The following STAG3 variants were observed in gnomAD, a reference collection of about 807,000 sequenced individuals.
STAG3 encodes the protein STAG3 cohesin complex component.
A neutral mutation model predicts 160.7 loss-of-function variants in STAG3; 101 were observed. The ratio of observed to expected loss-of-function variants is 0.63; its 90% CI spans 0.54 to 0.74. The LOEUF (loss-of-function observed/expected upper bound fraction) is 0.74, where lower values mean the gene tolerates loss of function less well. STAG3 is among the 30% of genes least tolerant of loss of function. STAG3 has a pLI of 0.00. For synonymous variants in STAG3, 519 were observed against 585.0 expected (o/e 0.89, Z 1.63); for missense variants, 1,188 against 1,517.4 (o/e 0.78, Z 3.61).
intron 30 of STAG3, 71 bp from the exon 31 acceptor site, chr7:100,211,364 A>C: frequency 6.4e-7 from 1 of 1,552,408 alleles, no homozygotes; most frequent in South Asian, 1.1e-5. Context: ...TCTCCCCATT[A>C]ACACCAGCTG....
chr7:100,189,852 CATTGTT>C (rs1284074749), intron 8 of STAG3, among the ~76,000 whole-genome samples: 1 of 150,046 alleles, frequency 6.7e-6, no homozygotes, highest in Non-Finnish European at 1.5e-5. Context: ...TGTCAGCACT[CATTGTT>C]AGGAGTGTTT....
In STAG3 at chr7:100,188,843, G is replaced by T. The variant is rs767284902; in HGVS notation, c.542G>T (p.Gly181Val). 3 of 1,614,096 alleles carry T rather than the reference G, an allele frequency of 1.9e-6. No homozygotes were observed. The highest frequency in any genetic ancestry group is 1.6e-4 in the Middle Eastern group (1 of 6,062). ...DSGDYPLIAP[G>V]PSWKKFQGSF... Reference sequence around the variant, plus strand: ...GGGGACTACCCTCTCATAGCTCCAGGTCCATCCTGGAAGAAGTTCCAGGGC... The same window carrying T: ...GGGGACTACCCTCTCATAGCTCCAGTTCCATCCTGGAAGAAGTTCCAGGGC... Residue 181 changes from glycine to valine, a missense_variant, in exon 7 of 34, where the codon GGT (glycine) becomes GTT (valine). By Grantham distance (109) the Gly-to-Val change is moderately radical (BLOSUM62 -3). Coordinates refer to ENST00000615138, the MANE Select transcript of STAG3 (RefSeq NM_001282717.2).
In STAG3 at chr7:100,180,536, C is replaced by T. The variant is rs1303590089; in HGVS notation, c.-21C>T. 6.7e-7 allele frequency: 1 copy of T among 1,482,340 alleles called. No individual in the cohort carries two copies. The highest frequency in any genetic ancestry group is 1.7e-5 in the Admixed American group (1 of 59,862). The allele number at this position is 1,482,340 out of a possible 1,614,324, so 91.8% of individuals were successfully genotyped here. The stretch of plus-strand genomic sequence containing the variant: ...CCTGTGGTCCTCATCTTCCTGGCCT[C>T]ATAGCTCCTCCTCTCCAAGCATGTC... On this transcript the variant is annotated 5_prime_UTR_variant, in exon 2 of 34. Coordinates refer to ENST00000615138, the MANE Select transcript of STAG3 (RefSeq NM_001282717.2).
Position 100,204,088 on chromosome 7 carries a change from A to G in STAG3, c.2768A>G (p.His923Arg), listed in dbSNP as rs776218918. The change falls in exon 26 of 34, where the codon CAT becomes CGT. Residue 923 changes from histidine (H) to arginine (R), a missense_variant. His to Arg is a conservative substitution (Grantham distance 29). Transcript: ENST00000615138. Reference protein sequence around the residue: ...LTRARQIDRSHCSRILLLSLK... With the variant: ...LTRARQIDRSRCSRILLLSLK... ...AGAGCAAGGCAGATTGACCGAAGTC[A>G]TTGTTCCCGAATCCTGCTGCTGAGC... is the stretch of plus-strand genomic sequence containing the variant. The G allele has an allele frequency of 2.4e-5, 38 of 1,614,042 alleles. No homozygotes were observed. In the Admixed American group the frequency reaches 3.2e-4, roughly 13 times the overall value.
chr7:100,181,944 CAAT>C (rs1799672278), intron 2 of STAG3, 143 bp from the exon 3 acceptor site: 1 of 374,444 alleles, frequency 2.7e-6, no homozygotes, highest in South Asian at 4.0e-5. Context: ...TTCCTACTAA[CAAT>C]AAGCTCATTT....
rs903546350 is a variant in STAG3, at chr7:100,181,932, A to G, written c.117-158A>G. Among the ~76,000 whole-genome samples, 56 of 151,394 alleles carry G rather than the reference A, an allele frequency of 3.7e-4. 1 individual carries two copies. Among genetic ancestry groups the G allele is most frequent in the Non-Finnish European group, 7.4e-5 (5 of 67,814 alleles). ...AAAAAAAAAAAAAGACTTTGTCCCA[A>G]CTTCCTACTAACAATAAGCTCATTT... is the stretch of plus-strand genomic sequence containing the variant. On this transcript the variant is annotated intron_variant, in intron 2 of 33. Transcript: ENST00000615138.
chr7:100,208,718 C>T (rs1429228584), intron 29 of STAG3, among the ~76,000 whole-genome samples: 2 of 152,064 alleles, frequency 1.3e-5, no homozygotes, highest in Admixed American at 6.6e-5. Context: ...TACTGAGCAC[C>T]GTGTGCTGGG....
rs990599928 is a variant in STAG3, at chr7:100,182,744, G to C, written c.241G>C (p.Gly81Arg). ...TTPVAKHPKK[G>R]SRVVHRHSRK... ...TTAGGTGGCAAAACATCCAAAGAAA[G>C]GGTCCCGAGTGGTACATCGTCATAG... Residue 81 changes from glycine (G) to arginine (R), a missense_variant, in exon 4 of 34, where the codon GGG becomes CGG. Coordinates refer to ENST00000615138, the MANE Select transcript of STAG3 (RefSeq NM_001282717.2). 1.9e-6 allele frequency: 3 copies of C among 1,613,460 alleles called. No individual in the cohort carries two copies. Among genetic ancestry groups the C allele is most frequent in the Non-Finnish European group, 2.5e-6 (3 of 1,179,860 alleles).
chr7:100,217,683 A>C (rs1022408055), downstream of STAG3, among the ~76,000 whole-genome samples: 1 of 152,164 alleles, frequency 6.6e-6, no homozygotes, highest in African/African-American at 2.4e-5. Context: ...CTATCGATAG[A>C]TAAGGTCACA....
chr7:100,204,928 C>A (rs1451671666), intron 27 of STAG3, 77 bp from the exon 28 acceptor site: 8 of 1,578,508 alleles, frequency 5.1e-6, no homozygotes, highest in Non-Finnish European at 6.9e-6. Context: ...GGGGAGGGTG[C>A]ATTTGGACAG....
At chr7:100,213,072 T>C (rs73397555) in intron 32 of STAG3, 6,506 of 155,550 alleles carry the variant, frequency 0.042, 481 homozygotes, top group African/African-American at 0.15. Flanking sequence ...AGTCCAAGGG[T>C]TGGGTTCTGG....
At chr7:100,180,883 T>G (rs1799606057) in intron 2 of STAG3, 1 of 320,270 alleles carries the variant, frequency 3.1e-6, no homozygotes, top group Admixed American at 4.8e-5. Flanking sequence ...ACATCCTGTT[T>G]TTTTTTTTTT....
At chr7:100,205,425 G>A (rs763447431) in intron 29 of STAG3, 41 bp downstream of exon 29, 64 of 1,546,096 alleles carry the variant, frequency 4.1e-5, no homozygotes, top group Middle Eastern at 1.9e-4. Flanking sequence ...CCAGCAGGTG[G>A]TCGTTGGCTG....
chr7:100,205,211 T>A lies in STAG3; in HGVS notation c.3081-16T>A. 1.2e-6 allele frequency: 2 copies of A among 1,613,642 alleles called. No individual in the cohort carries two copies. Among genetic ancestry groups the A allele is most frequent in the Non-Finnish European group, 1.7e-6 (2 of 1,179,694 alleles). On this transcript the variant is annotated splice_polypyrimidine_tract_variant and intron_variant, in intron 28 of 33. Coordinates refer to ENST00000615138, the MANE Select transcript of STAG3 (RefSeq NM_001282717.2). ...CCAGTAGCCCCTTCAGGCTTTTGGT[T>A]CTACCTCTTTCATAGACTGTCCTAT...
chr7:100,216,216 G>A (rs1277584506), downstream of STAG3, among the ~76,000 whole-genome samples: 2 of 152,184 alleles, frequency 1.3e-5, no homozygotes, highest in African/African-American at 4.8e-5. Context: ...TCAGTCTGGA[G>A]GGGTTTGTTA....
At chr7:100,188,061 G>A (rs773944726) in intron 5 of STAG3, among the ~76,000 whole-genome samples, 1 of 152,172 alleles carries the variant, frequency 6.6e-6, no homozygotes, top group South Asian at 2.1e-4. Flanking sequence ...CGGCTGGCCT[G>A]CATCTTCTTT....
intron 8 of STAG3, among the ~76,000 whole-genome samples, chr7:100,193,939 C>CTTT (rs57044186): frequency 4.9e-5 from 6 of 121,972 alleles, no homozygotes; most frequent in East Asian, 2.4e-4. Context: ...TTAATCATTT[C>CTTT]TTTTTTTTTT....
At chr7:100,193,367 T>C (rs1800459952) in intron 8 of STAG3, among the ~76,000 whole-genome samples, 1 of 152,208 alleles carries the variant, frequency 6.6e-6, no homozygotes, top group African/African-American at 2.4e-5. Flanking sequence ...GGCTGTCCGT[T>C]GAAGCTTTGA....
rs751680143 is a variant in STAG3, at chr7:100,198,542, C to T, written c.1312C>T (p.Arg438Ter). 4.0e-5 allele frequency: 65 copies of T among 1,614,004 alleles called. No individual in the cohort carries two copies. The highest frequency in any genetic ancestry group is 5.3e-5 in the Non-Finnish European group (62 of 1,180,028). ...SVYPVVYASHRGLASAAGEFL... is the reference protein window; with the variant it reads ...SVYPVVYASH ...CTACCCAGTTGTGTATGCCTCTCAT[C>T]GAGGCCTGGCCTCTGCCGCAGGCGA... The change falls in exon 13 of 34, where the codon CGA becomes TGA. Residue 438 changes from arginine (R) to a stop codon, truncating the protein, a stop_gained. Coordinates refer to ENST00000615138, the MANE Select transcript of STAG3 (RefSeq NM_001282717.2). LOFTEE classifies it high-confidence loss of function.
Sources: gnomAD v4.1 joint callset for allele counts (sites outside exome capture counted in the v4.1 genomes callset) on GRCh38, gnomAD v4.1.1 for gene constraint, MANE v1.5 for transcripts, NCBI Gene and HGNC (gene_info 2026-07-23, HGNC 2026-07-21) for gene names.